Variants in ARHGAP12 observed in about 807,000 individuals in gnomAD.
ARHGAP12 encodes the protein rho GTPase-activating protein 12.
ARHGAP12 carries 64 observed loss-of-function variants against 108.6 expected under a neutral mutation model. That is an observed-to-expected ratio of 0.59 (90% CI 0.48 to 0.73). The LOEUF (loss-of-function observed/expected upper bound fraction) is 0.73. Among genes scored for constraint, ARHGAP12 ranks in the 30% least tolerant of loss-of-function variants. ARHGAP12 has a pLI of 0.00. For missense variants in ARHGAP12, 940 were observed against 1,005.9 expected, an observed-to-expected ratio of 0.93 and a Z score of 0.89; for synonymous variants, 312 against 337.2, an observed-to-expected ratio of 0.93 and a Z score of 0.82.
chr10:31,871,215 G>A (rs535034248), intron 3 of ARHGAP12, among the ~76,000 whole-genome samples: 5 of 152,110 alleles, frequency 3.3e-5, no homozygotes, highest in East Asian at 1.9e-4. Context: ...ATTGTTCTTC[G>A]GATATAACAC....
rs1383958883 is a variant in ARHGAP12 at position 31,807,549 on chromosome 10, G to A, written c.*109C>T. ...CCTTCTGATCCCTCAAAAAAAAAGT[G>A]CAAAATCAAAGAGTCACTGCTTGGT... On this transcript the variant is annotated 3_prime_UTR_variant, in exon 20 of 20. Coordinates refer to ENST00000344936, the MANE Select transcript of ARHGAP12 (RefSeq NM_018287.7). 22 of 1,100,664 alleles carry A rather than the reference G, an allele frequency of 2.0e-5. No individual in the cohort carries two copies. In the Admixed American group the frequency reaches 6.1e-4, roughly 31 times the overall value. 68.2% of individuals were successfully genotyped at this position (1,100,664 alleles called of 1,614,324 possible). A position where few individuals can be genotyped will look rare whatever the true frequency, so the allele number is the denominator to read the frequency against.
At chr10:31,900,916 T>G (rs1838888915) in intron 3 of ARHGAP12, among the ~76,000 whole-genome samples, 2 of 151,938 alleles carry the variant, frequency 1.3e-5, no homozygotes, top group African/African-American at 4.8e-5. Flanking sequence ...CTAACTTTAT[T>G]AAAAATGTAT....
chr10:31,862,338 T>C (rs1026248318), intron 3 of ARHGAP12, among the ~76,000 whole-genome samples: 2 of 152,204 alleles, frequency 1.3e-5, no homozygotes, highest in African/African-American at 4.8e-5. Context: ...TAAGAATTAG[T>C]AGTAACTCTG....
intron 3 of ARHGAP12, among the ~76,000 whole-genome samples, chr10:31,870,365 G>T (rs1319922431): frequency 1.3e-5 from 2 of 151,764 alleles, no homozygotes; most frequent in Non-Finnish European, 1.5e-5. Flanking sequence ...TGAGTAGCTG[G>T]GATTACAGGC....
At chr10:31,838,907 C>T (rs1019391685) in intron 9 of ARHGAP12, among the ~76,000 whole-genome samples, 4 of 149,938 alleles carry the variant, frequency 2.7e-5, no homozygotes, top group African/African-American at 4.9e-5. Flanking sequence ...GAGGCTGAGA[C>T]GGGAGAATCA....
chr10:31,892,410 AG>A (rs1838486821), intron 3 of ARHGAP12, among the ~76,000 whole-genome samples: 1 of 152,220 alleles, frequency 6.6e-6, no homozygotes. Flanking sequence ...AAAGGGATGG[AG>A]GAAGATCTAC....
At chr10:31,860,110 T>A (rs931168086) in intron 4 of ARHGAP12, among the ~76,000 whole-genome samples, 1 of 152,172 alleles carries the variant, frequency 6.6e-6, no homozygotes, top group Non-Finnish European at 1.5e-5. Context: ...ATGAACAATT[T>A]TTCTATTTTT....
chr10:31,921,754 G>T (rs1379380409), intron 1 of ARHGAP12, among the ~76,000 whole-genome samples: 2 of 91,094 alleles, frequency 2.2e-5, no homozygotes, highest in South Asian at 3.9e-4. Flanking sequence ...ACAGAGCAAG[G>T]CTCCATCTCA....
At chr10:31,815,264 C>T (rs1835164657) in intron 13 of ARHGAP12, among the ~76,000 whole-genome samples, 2 of 152,128 alleles carry the variant, frequency 1.3e-5, no homozygotes, top group Non-Finnish European at 2.9e-5. Flanking sequence ...GAGATCTTTA[C>T]TCCACCTGGA....
At chr10:31,832,369 G>C (rs1053306844) in intron 9 of ARHGAP12, among the ~76,000 whole-genome samples, 3 of 152,160 alleles carry the variant, frequency 2.0e-5, no homozygotes, top group African/African-American at 7.2e-5. Context: ...TTATCAGATT[G>C]TGAGTTCCTC....
At chr10:31,884,829 A>G (rs1310141894) in intron 3 of ARHGAP12, among the ~76,000 whole-genome samples, 3 of 152,234 alleles carry the variant, frequency 2.0e-5, no homozygotes, top group African/African-American at 7.2e-5. Flanking sequence ...TCATGACAAC[A>G]AATCTAAGTT....
chr10:31,890,548 C>T (rs888641023), intron 3 of ARHGAP12, among the ~76,000 whole-genome samples: 1 of 152,102 alleles, frequency 6.6e-6, no homozygotes, highest in Admixed American at 6.5e-5. Context: ...TACGGTAAGA[C>T]TGGGCTGGTG....
chr10:31,926,752 ATTCT>A lies in ARHGAP12; in HGVS notation c.-111+1927_-111+1930del, dbSNP rs142635226. Among the ~76,000 whole-genome samples, 401 of 152,364 alleles carry A rather than the reference ATTCT, an allele frequency of 2.6e-3. 9 individuals carry two copies. In the East Asian group the frequency reaches 0.062, roughly 24 times the overall value. On this transcript the variant is annotated intron_variant, in intron 1 of 19. Transcript: ENST00000344936. ...AGCCTACTAAAAAACCACTGAGCAG[ATTCT>A]TTCTAATTAAAGAAAAGTCAAATGA... is the stretch of plus-strand genomic sequence containing the variant.
chr10:31,816,577 A>G (rs1835213276), intron 13 of ARHGAP12, among the ~76,000 whole-genome samples: 1 of 152,204 alleles, frequency 6.6e-6, no homozygotes, highest in African/African-American at 2.4e-5. Context: ...CTGTGACTAG[A>G]GCTGAAAGTC....
intron 10 of ARHGAP12, among the ~76,000 whole-genome samples, chr10:31,827,279 G>GA (rs1160919356): frequency 5.3e-5 from 8 of 152,008 alleles, no homozygotes; most frequent in Non-Finnish European, 1.5e-5. Flanking sequence ...TAAATTATTT[G>GA]AAAAAACAAA....
chr10:31,809,909 T>A (rs1834952675), intron 16 of ARHGAP12, among the ~76,000 whole-genome samples: 1 of 152,182 alleles, frequency 6.6e-6, no homozygotes, highest in Non-Finnish European at 1.5e-5. Flanking sequence ...AATGTACAAA[T>A]TTACTAAAGC....
At chr10:31,895,990 C>T (rs1266388796) in intron 3 of ARHGAP12, among the ~76,000 whole-genome samples, 1 of 151,128 alleles carries the variant, frequency 6.6e-6, no homozygotes, top group Non-Finnish European at 1.5e-5. Flanking sequence ...ATCGCAAGCA[C>T]AAAAAACCAA....
chr10:31,881,964 G>C (rs1482354633), intron 3 of ARHGAP12, among the ~76,000 whole-genome samples: 1 of 149,996 alleles, frequency 6.7e-6, no homozygotes, highest in Non-Finnish European at 1.5e-5. Context: ...GCCCAGGCTG[G>C]AGTGCAGTGG....
At chr10:31,816,778 G>A (rs1246716281) in intron 13 of ARHGAP12, among the ~76,000 whole-genome samples, 2 of 152,080 alleles carry the variant, frequency 1.3e-5, no homozygotes, top group African/African-American at 4.8e-5. Flanking sequence ...CTGTTTAGGA[G>A]GTTACTCTTA....
Sources: allele counts gnomAD v4.1 joint callset (sites outside exome capture counted in the v4.1 genomes callset), GRCh38; gene constraint gnomAD v4.1.1; transcripts MANE v1.5; gene names NCBI Gene and HGNC (gene_info 2026-07-23, HGNC 2026-07-21).